The following NEK10 variants were observed in gnomAD, a reference collection of about 807,000 sequenced individuals.
NEK10 encodes the protein serine/threonine-protein kinase Nek10.
In NEK10, 122 loss-of-function variants were observed where a neutral mutation model predicts 159.8. That is an observed-to-expected ratio of 0.76 (90% CI 0.66 to 0.89). The LOEUF (loss-of-function observed/expected upper bound fraction) is 0.89, where lower values mean the gene tolerates loss of function less well. Among genes scored for constraint, NEK10 ranks in the 40% least tolerant of loss-of-function variants. NEK10 has a pLI of 0.00. For synonymous variants in NEK10, 466 were observed against 457.1 expected, an observed-to-expected ratio of 1.02 and a Z score of -0.25; for missense variants, 1,342 against 1,323.1, an observed-to-expected ratio of 1.01 and a Z score of -0.22.
intron 5 of NEK10, among the ~76,000 whole-genome samples, chr3:27,334,851 T>C (rs1559519763): frequency 6.6e-6 from 1 of 151,916 alleles, no homozygotes; most frequent in Non-Finnish European, 1.5e-5. Context: ...ATATGACACC[T>C]CCAAAGGAGA....
chr3:27,291,171 CAA>C, intron 18 of NEK10, 89 bp downstream of exon 18: 1 of 1,210,052 alleles, frequency 8.3e-7, no homozygotes, highest in Non-Finnish European at 1.2e-6. Context: ...TTTTCAATGA[CAA>C]GAGTTCTAAT....
At chr3:27,195,927 G>A (rs1018983253) in intron 25 of NEK10, among the ~76,000 whole-genome samples, 3 of 152,104 alleles carry the variant, frequency 2.0e-5, no homozygotes, top group South Asian at 2.1e-4. Context: ...TGGGTACTGC[G>A]TTAAGTGGGT....
In NEK10 at chr3:27,291,153, T is replaced by C. The variant is rs1400260782; in HGVS notation, c.1605+109A>G. 4 of 997,476 alleles carry C rather than the reference T, an allele frequency of 4.0e-6. No homozygotes were observed. In the African/African-American group the frequency reaches 4.9e-5, roughly 12 times the overall value. The allele number at this position is 997,476 out of a possible 1,614,324, so 61.8% of individuals were successfully genotyped here. A position where few individuals can be genotyped will look rare whatever the true frequency, so the allele number is the denominator to read the frequency against. On this transcript the variant is annotated intron_variant, in intron 18 of 35. Transcript: ENST00000691995. ...ACAATCATTCTAATTTTCATATCTG[T>C]TTGCTATTTTTCAATGACAAGAGTT...
chr3:27,316,192 G>A (rs754341049), intron 6 of NEK10, among the ~76,000 whole-genome samples: 32 of 152,154 alleles, frequency 2.1e-4, no homozygotes, highest in Non-Finnish European at 3.7e-4. Flanking sequence ...AATTAGCTGT[G>A]GGGACTTCCT....
intron 23 of NEK10, among the ~76,000 whole-genome samples, chr3:27,236,689 C>G (rs912506753): frequency 7.2e-5 from 11 of 152,026 alleles, no homozygotes; most frequent in African/African-American, 2.7e-4. Flanking sequence ...GGTGTATGAA[C>G]AGGGAATAGG....
At chr3:27,166,888 A>G (rs1347490243) in intron 29 of NEK10, among the ~76,000 whole-genome samples, 1 of 152,142 alleles carries the variant, frequency 6.6e-6, no homozygotes, top group Non-Finnish European at 1.5e-5. Flanking sequence ...GGAACCCAGC[A>G]GGCCGAGGTT....
At chr3:27,212,205 C>A (rs1951068306) in intron 23 of NEK10, among the ~76,000 whole-genome samples, 1 of 152,076 alleles carries the variant, frequency 6.6e-6, no homozygotes, top group South Asian at 2.1e-4. Flanking sequence ...TTGATTATTG[C>A]TTTGGTACAG....
At chr3:27,209,046 A>G (rs915331129) in intron 23 of NEK10, among the ~76,000 whole-genome samples, 10 of 152,224 alleles carry the variant, frequency 6.6e-5, no homozygotes, top group Non-Finnish European at 1.2e-4. Context: ...CACACCTTTA[A>G]CACAAATTTG....
At chr3:27,292,044 C>T (rs2043034453) in intron 16 of NEK10, among the ~76,000 whole-genome samples, 1 of 151,932 alleles carries the variant, frequency 6.6e-6, no homozygotes, top group Non-Finnish European at 1.5e-5. Context: ...TATTCCCCAA[C>T]TTATCTCGAA....
rs181187119 is a variant in NEK10, at chr3:27,327,890, T to G, written c.363-5629A>C. 2.8e-4 allele frequency among the ~76,000 whole-genome samples: 42 copies of G among 152,184 alleles called. No individual in the cohort carries two copies. The East Asian group carries it at 8.0e-3, about 29-fold the overall frequency. ...CAAATTCATAAGACAGAGTCCAATT[T>G]TTTTGGATAGCTGAAAAAGTAAAAT... On this transcript the variant is annotated intron_variant, in intron 5 of 35. Coordinates refer to ENST00000691995, the MANE Select transcript of NEK10 (RefSeq NM_001394966.1).
At chr3:27,291,444 A>G (rs2042988411) in intron 17 of NEK10, 40 bp downstream of exon 17, 22 of 1,603,136 alleles carry the variant, frequency 1.4e-5, no homozygotes, top group Non-Finnish European at 1.9e-5. Context: ...CATCCTGACT[A>G]CATAGCAGCC....
intron 20 of NEK10, among the ~76,000 whole-genome samples, chr3:27,286,079 CTTTT>C (rs35663067): frequency 1.7e-5 from 1 of 57,710 alleles, no homozygotes; most frequent in Non-Finnish European, 2.9e-5. Context: ...ATTTCCAATT[CTTTT>C]TTTTTTTTTT....
chr3:27,355,057 A>G (rs537981570), intron 1 of NEK10, among the ~76,000 whole-genome samples: 2 of 152,214 alleles, frequency 1.3e-5, no homozygotes, highest in Non-Finnish European at 2.9e-5. Flanking sequence ...TATATCCACT[A>G]AAATCAACGA....
chr3:27,204,301 G>GTTT (rs567092116), intron 23 of NEK10, among the ~76,000 whole-genome samples: 87 of 66,272 alleles, frequency 1.3e-3, no homozygotes, highest in East Asian at 4.9e-3. Context: ...TTTTGTTGTT[G>GTTT]TTTTTTTTTT....
At chr3:27,217,528 C>G (rs1013366059) in intron 23 of NEK10, among the ~76,000 whole-genome samples, 1 of 152,086 alleles carries the variant, frequency 6.6e-6, no homozygotes, top group African/African-American at 2.4e-5. Flanking sequence ...AGTGGGACAT[C>G]CGCCCCCATG....
At position 27,110,847 on chromosome 3, in the gene NEK10, C is replaced by T. The variant is rs1448277003; in HGVS notation, c.*425G>A. 1 of 153,732 alleles carries T rather than the reference C, an allele frequency of 6.5e-6. No individual in the cohort carries two copies. The highest frequency in any genetic ancestry group is 1.9e-4 in the East Asian group (1 of 5,244). The allele number at this position is 153,732 out of a possible 1,614,324, so 9.5% of individuals were successfully genotyped here. On this transcript the variant is annotated 3_prime_UTR_variant, in exon 36 of 36. Coordinates refer to ENST00000691995, the MANE Select transcript of NEK10 (RefSeq NM_001394966.1). ...CTGTCTTTATCTAAAATATTTTTTA[C>T]ATATGGAAGGCTAGATGTCTTTAAA...
chr3:27,158,976 C>G (rs866234517), intron 30 of NEK10, among the ~76,000 whole-genome samples: 4 of 152,032 alleles, frequency 2.6e-5, no homozygotes, highest in Non-Finnish European at 4.4e-5. Context: ...TTCCCCAATT[C>G]CAAATACTTG....
chr3:27,351,385 C>T (rs940947842), intron 3 of NEK10, among the ~76,000 whole-genome samples: 16 of 152,192 alleles, frequency 1.1e-4, no homozygotes, highest in Non-Finnish European at 1.8e-4. Flanking sequence ...TAGAAGCACA[C>T]ACTGCAAAGA....
Position 27,293,282 on chromosome 3 carries a change from A to G in NEK10, c.1373+306T>C, listed in dbSNP as rs2043132938. On this transcript the variant is annotated intron_variant, in intron 16 of 35. Coordinates refer to ENST00000691995, the MANE Select transcript of NEK10 (RefSeq NM_001394966.1). ...CTCATATTTTAATGCCATCTTTTAA[A>G]AATGTTAATATCTTTAATTATCAAA... 2.0e-5 allele frequency among the ~76,000 whole-genome samples: 3 copies of G among 152,254 alleles called. No homozygotes were observed. In the South Asian group the frequency reaches 6.2e-4, roughly 32 times the overall value.
Sources: allele counts gnomAD v4.1 joint callset (sites outside exome capture counted in the v4.1 genomes callset), GRCh38; gene constraint gnomAD v4.1.1; transcripts MANE v1.5; gene names NCBI Gene and HGNC (gene_info 2026-07-23, HGNC 2026-07-21).